The following ABI1 variants were observed in gnomAD, a reference collection of about 807,000 sequenced individuals.
ABI1 encodes abl interactor 1.
A neutral mutation model predicts 54.6 loss-of-function variants in ABI1; 14 were observed. The ratio of observed to expected loss-of-function variants is 0.26; its 90% CI spans 0.17 to 0.40. ABI1 has a LOEUF of 0.40. Among genes scored for constraint, ABI1 ranks in the 10% least tolerant of loss-of-function variants. The pLI is 1.00. For synonymous variants in ABI1, 194 were observed against 209.3 expected, an observed-to-expected ratio of 0.93 and a Z score of 0.63; for missense variants, 443 against 598.3, an observed-to-expected ratio of 0.74 and a Z score of 2.71.
intron 2 of ABI1, among the ~76,000 whole-genome samples, chr10:26,794,036 A>G (rs1317084087): frequency 6.6e-6 from 1 of 152,168 alleles, no homozygotes; most frequent in Non-Finnish European, 1.5e-5. Flanking sequence ...TGAGGTCAGG[A>G]GTTCAAGACC....
At position 26,860,684 on chromosome 10, in the gene ABI1, G is replaced by T; in HGVS notation, c.117+63C>A. 7.4e-7 allele frequency: 1 copy of T among 1,344,858 alleles called. No homozygotes were observed. The highest frequency in any genetic ancestry group is 1.1e-6 in the Non-Finnish European group (1 of 939,362). The allele number at this position is 1,344,858 out of a possible 1,614,324, so 83.3% of individuals were successfully genotyped here. On this transcript the variant is annotated intron_variant, in intron 1 of 10. Coordinates refer to ENST00000376140, the MANE Select transcript of ABI1 (RefSeq NM_001012750.3). The surrounding 1 kb of genome is among the most constrained non-coding windows in gnomAD (Gnocchi z 4.1). ...AGGGCAGTTCCCCACCCCGCCCAGT[G>T]GGCTGGTCACTCCGGCGGGTCCTCG...
At chr10:26,850,659 A>G (rs2050312302) in intron 1 of ABI1, among the ~76,000 whole-genome samples, 1 of 86,844 alleles carries the variant, frequency 1.2e-5, no homozygotes, top group Non-Finnish European at 2.2e-5. Flanking sequence ...CTCCGTCTCA[A>G]AAAAAAAAAA....
At chr10:26,760,548 G>A (rs1838991412) in intron 7 of ABI1, among the ~76,000 whole-genome samples, 1 of 152,140 alleles carries the variant, frequency 6.6e-6, no homozygotes, top group Non-Finnish European at 1.5e-5. Context: ...AAAAGCCTTC[G>A]TGAATAAGTA....
In ABI1 at chr10:26,770,690, TCTTA is replaced by T. The variant is rs1840581075; in HGVS notation, c.478-349_478-346del. 5 of 540,878 alleles carry T rather than the reference TCTTA, an allele frequency of 9.2e-6. No homozygotes were observed. In the Middle Eastern group the frequency reaches 9.1e-4, roughly 98 times the overall value. The allele number at this position is 540,878 out of a possible 1,614,324, so 33.5% of individuals were successfully genotyped here. On this transcript the variant is annotated intron_variant, in intron 4 of 10. Transcript: ENST00000376140. ...TGTGTGCATGAACACAAACTATAGA[TCTTA>T]CTTGTCAATTTGCTCAAATACGCAT...
intron 5 of ABI1, among the ~76,000 whole-genome samples, chr10:26,769,451 G>A (rs1042350129): frequency 2.6e-5 from 4 of 151,980 alleles, no homozygotes; most frequent in South Asian, 2.1e-4. Context: ...AAATGATTTC[G>A]ACTATTCTGT....
intron 2 of ABI1, among the ~76,000 whole-genome samples, chr10:26,809,452 G>A (rs1261700611): frequency 1.3e-5 from 2 of 151,984 alleles, no homozygotes; most frequent in Non-Finnish European, 2.9e-5. Context: ...CTAGCTACTC[G>A]GGAGGCTGGG....
chr10:26,824,204 G>A (rs1290911108), intron 1 of ABI1, among the ~76,000 whole-genome samples: 1 of 152,100 alleles, frequency 6.6e-6, no homozygotes. Context: ...AAATGCAAGT[G>A]CAAACCAATA....
chr10:26,853,975 G>C (rs920579190), intron 1 of ABI1, among the ~76,000 whole-genome samples: 9 of 152,102 alleles, frequency 5.9e-5, no homozygotes, highest in African/African-American at 2.2e-4. Context: ...ATTTTTGACT[G>C]TTAACTGTCT....
chr10:26,820,790 C>T (rs2047925415), intron 2 of ABI1, among the ~76,000 whole-genome samples: 1 of 151,250 alleles, frequency 6.6e-6, no homozygotes, highest in Non-Finnish European at 1.5e-5. Context: ...GTTTCACCAT[C>T]TTGGTCAGGC....
chr10:26,823,368 A>G (rs1382780699), intron 1 of ABI1, 63 bp from the exon 2 acceptor site: 1 of 1,238,740 alleles, frequency 8.1e-7, no homozygotes, highest in Non-Finnish European at 1.1e-6. Context: ...TATATATTCT[A>G]TAGAAAGGCA....
chr10:26,857,736 C>A (rs2050946777), intron 1 of ABI1, among the ~76,000 whole-genome samples: 1 of 149,774 alleles, frequency 6.7e-6, no homozygotes. Flanking sequence ...GTGGTCTCAG[C>A]TACATGGGAG....
At chr10:26,847,625 A>G (rs920109401) in intron 1 of ABI1, among the ~76,000 whole-genome samples, 1 of 151,866 alleles carries the variant, frequency 6.6e-6, no homozygotes, top group Non-Finnish European at 1.5e-5. Context: ...CCCTGTCTTT[A>G]AAAAAAACAA....
intron 1 of ABI1, among the ~76,000 whole-genome samples, chr10:26,851,348 ATTTT>A (rs397724445): frequency 1.9e-4 from 13 of 67,816 alleles, no homozygotes; most frequent in African/African-American, 7.1e-4. Context: ...GACTAAGCTA[ATTTT>A]TTTTTTTTTT....
At chr10:26,828,495 C>T (rs185371585) in intron 1 of ABI1, among the ~76,000 whole-genome samples, 56 of 151,878 alleles carry the variant, frequency 3.7e-4, no homozygotes, top group South Asian at 1.9e-3. Flanking sequence ...AAGCAAAGCA[C>T]AATAAAGAGA....
Position 26,860,740 on chromosome 10 carries a change from G to A in ABI1, c.117+7C>T. On this transcript the variant is annotated splice_region_variant and intron_variant, in intron 1 of 10. Transcript: ENST00000376140. This position sits in a 1 kb window ranked among gnomAD's most constrained non-coding sequence, Gnocchi z 4.1. ...GCCAGCGCCCGCCGGCCGCCAGAGC[G>A]CCTCACCTGTATGTAGTTGTTTTCA... is the stretch of plus-strand genomic sequence containing the variant. The A allele has an allele frequency of 6.2e-7, 1 of 1,610,574 alleles. No homozygotes were observed.
rs1180093212 is a variant in ABI1, at chr10:26,759,096, A to G, written c.963T>C (p.His321=). 4.3e-6 allele frequency: 7 copies of G among 1,613,934 alleles called. No homozygotes were observed. Among genetic ancestry groups the G allele is most frequent in the African/African-American group, 1.3e-5 (1 of 74,932 alleles). The change falls in exon 8 of 11, where the codon CAT becomes CAC. Residue 321 remains histidine (H), a synonymous_variant. Transcript: ENST00000376140. Reference sequence around the variant, plus strand: ...GAGAATAAAGTGGACCTCCATTAACATGAGGCTGAGCAGAAAATTGAGCAG... The same window carrying G: ...GAGAATAAAGTGGACCTCCATTAACGTGAGGCTGAGCAGAAAATTGAGCAG... ...SVTAQFSAQP[H]VNGGPLYSQN...
chr10:26,793,639 T>C (rs1429645315), intron 2 of ABI1, among the ~76,000 whole-genome samples: 1 of 152,230 alleles, frequency 6.6e-6, no homozygotes, highest in East Asian at 1.9e-4. Flanking sequence ...ATACTCTATG[T>C]GGTAATTACA....
chr10:26,777,127 C>T lies in ABI1; in HGVS notation c.400G>A (p.Val134Ile). Residue 134 changes from valine (V) to isoleucine (I), a missense_variant, in exon 3 of 11, where the codon GTA (valine) becomes ATA (isoleucine). Transcript: ENST00000376140. Reference sequence around the variant, plus strand: ...TCGATAGGTTTCCGAATATACCTTACAGGGCGCTCCATATTCGCAGGTGCT... The same window carrying T: ...TCGATAGGTTTCCGAATATACCTTATAGGGCGCTCCATATTCGCAGGTGCT... ...IIAPANMERP[V>I]RYIRKPIDYT... 6.2e-7 allele frequency: 1 copy of T among 1,613,974 alleles called. No individual in the cohort carries two copies. Among genetic ancestry groups the T allele is most frequent in the African/African-American group, 1.3e-5 (1 of 75,044 alleles).
intron 2 of ABI1, among the ~76,000 whole-genome samples, chr10:26,800,670 G>C (rs1179194774): frequency 6.6e-6 from 1 of 152,138 alleles, no homozygotes; most frequent in Non-Finnish European, 1.5e-5. Context: ...GGTGGAGGAT[G>C]CAACGAGCCA....
Sources: allele counts gnomAD v4.1 joint callset (sites outside exome capture counted in the v4.1 genomes callset), GRCh38; gene constraint gnomAD v4.1.1; non-coding constraint Gnocchi (gnomAD v3.1); transcripts MANE v1.5; gene names NCBI Gene and HGNC (gene_info 2026-07-23, HGNC 2026-07-21).